Variants in FHIP1A observed in about 807,000 individuals in gnomAD.
FHIP1A encodes the protein FHF complex subunit HOOK interacting protein 1A, also known as FHF complex subunit HOOK-interacting protein 1A.
In FHIP1A, 61 loss-of-function variants were observed where a neutral mutation model predicts 88.6. The observed-to-expected ratio is 0.69, with a 90% CI of 0.56 to 0.85. The LOEUF is 0.85. Among genes scored for constraint, FHIP1A ranks in the 40% least tolerant of loss-of-function variants. The pLI is 0.00. For synonymous variants in FHIP1A, 478 were observed against 496.0 expected (o/e 0.96, Z 0.48); for missense variants, 1,154 against 1,273.5 (o/e 0.91, Z 1.43).
intron 1 of FHIP1A, among the ~76,000 whole-genome samples, chr4:151,421,792 G>A (rs899995394): frequency 4.0e-5 from 6 of 151,846 alleles, no homozygotes; most frequent in South Asian, 2.1e-4. Context: ...TACAACTATC[G>A]CCTTCCTAGG....
intron 2 of FHIP1A, among the ~76,000 whole-genome samples, chr4:151,477,254 G>A (rs1445007993): frequency 6.6e-6 from 1 of 152,092 alleles, no homozygotes; most frequent in Non-Finnish European, 1.5e-5. Flanking sequence ...CAATAAAGGT[G>A]GTATTTCAAA....
At chr4:151,643,742 A>G (rs1736683797) in intron 9 of FHIP1A, among the ~76,000 whole-genome samples, 1 of 152,184 alleles carries the variant, frequency 6.6e-6, no homozygotes, top group East Asian at 1.9e-4. Context: ...TCTGAGAACC[A>G]CCATTCAGAA....
At chr4:151,532,758 G>A (rs1580676748) in intron 3 of FHIP1A, among the ~76,000 whole-genome samples, 1 of 152,190 alleles carries the variant, frequency 6.6e-6, no homozygotes, top group African/African-American at 2.4e-5. Flanking sequence ...TGGACTTAGA[G>A]TTCCACATGG....
intron 9 of FHIP1A, among the ~76,000 whole-genome samples, chr4:151,641,105 G>A (rs193110217): frequency 3.8e-4 from 58 of 152,030 alleles, no homozygotes; most frequent in African/African-American, 1.4e-3. Context: ...TGACTGCCTG[G>A]TCCTAGACTC....
intron 3 of FHIP1A, among the ~76,000 whole-genome samples, chr4:151,556,378 T>C (rs544951159): frequency 6.6e-6 from 1 of 152,316 alleles, no homozygotes; most frequent in Admixed American, 6.5e-5. Flanking sequence ...TGTTTATTAT[T>C]GAATTCTAAT....
intron 3 of FHIP1A, among the ~76,000 whole-genome samples, chr4:151,515,904 C>A (rs1402416768): frequency 2.0e-5 from 3 of 152,190 alleles, no homozygotes; most frequent in Non-Finnish European, 4.4e-5. Flanking sequence ...AGTGCCATCC[C>A]CATCAAGCTA....
intron 3 of FHIP1A, among the ~76,000 whole-genome samples, chr4:151,548,556 C>T (rs1732596017): frequency 6.6e-6 from 1 of 152,186 alleles, no homozygotes; most frequent in Non-Finnish European, 1.5e-5. Context: ...TGAAAGTGAC[C>T]TCTGGTGGTC....
At chr4:151,499,361 C>T (rs946201415) in intron 3 of FHIP1A, among the ~76,000 whole-genome samples, 4 of 152,136 alleles carry the variant, frequency 2.6e-5, no homozygotes, top group Admixed American at 2.0e-4. Flanking sequence ...TGTGGCCTAC[C>T]TATTGGTCTT....
At chr4:151,504,103 A>G (rs1473593660) in intron 3 of FHIP1A, among the ~76,000 whole-genome samples, 1 of 152,228 alleles carries the variant, frequency 6.6e-6, no homozygotes, top group Non-Finnish European at 1.5e-5. Context: ...CAACTATTCT[A>G]AACCTATTCC....
rs532147166 is a variant in FHIP1A at position 151,503,154 on chromosome 4, G to A, written c.-123+20506G>A. On this transcript the variant is annotated intron_variant, in intron 3 of 13. Transcript: ENST00000435205. ...AAAGTGACTTTTTATTCCAAAGGTA[G>A]GTTAGGGGAAGAAGTACTCCTACCT... 3.3e-5 allele frequency among the ~76,000 whole-genome samples: 5 copies of A among 152,260 alleles called. No homozygotes were observed. The East Asian group carries it at 9.7e-4, about 29-fold the overall frequency.
At chr4:151,593,838 C>A (rs1273416881) in intron 7 of FHIP1A, among the ~76,000 whole-genome samples, 1 of 152,158 alleles carries the variant, frequency 6.6e-6, no homozygotes, top group African/African-American at 2.4e-5. Flanking sequence ...TGTCTTGTAC[C>A]AGTTTTCAAA....
At chr4:151,528,573 T>C (rs896760037) in intron 3 of FHIP1A, among the ~76,000 whole-genome samples, 1 of 152,146 alleles carries the variant, frequency 6.6e-6, no homozygotes, top group Non-Finnish European at 1.5e-5. Context: ...GAGGTGAGCA[T>C]TGGGTAAGGC....
At chr4:151,640,675 T>G (rs1198447474) in intron 9 of FHIP1A, among the ~76,000 whole-genome samples, 1 of 152,228 alleles carries the variant, frequency 6.6e-6, no homozygotes, top group African/African-American at 2.4e-5. Flanking sequence ...ACCAGCTGTC[T>G]TTTTCAGTGT....
intron 2 of FHIP1A, among the ~76,000 whole-genome samples, chr4:151,472,457 A>G (rs1729555345): frequency 6.6e-6 from 1 of 152,162 alleles, no homozygotes; most frequent in Non-Finnish European, 1.5e-5. Flanking sequence ...TATAAAGCCA[A>G]GTCTTTGCCT....
intron 1 of FHIP1A, among the ~76,000 whole-genome samples, chr4:151,436,132 C>T (rs953835572): frequency 6.6e-6 from 1 of 152,146 alleles, no homozygotes; most frequent in African/African-American, 2.4e-5. Flanking sequence ...CTGGAAGCTG[C>T]AGGTATGGAC....
chr4:151,662,981 G>A lies in FHIP1A; in HGVS notation c.*227G>A. ...GTCTCATAAGCTGGTTGCTCCCTTGGCAGTTTTCTTTGCTCTGTTTTTCCT... is the reference window on the plus strand; with the variant it reads ...GTCTCATAAGCTGGTTGCTCCCTTGACAGTTTTCTTTGCTCTGTTTTTCCT... On this transcript the variant is annotated 3_prime_UTR_variant, in exon 14 of 14. Coordinates refer to ENST00000435205, the MANE Select transcript of FHIP1A (RefSeq NM_001109977.3). 1 of 417,316 alleles carries A rather than the reference G, an allele frequency of 2.4e-6. No individual in the cohort carries two copies. Among genetic ancestry groups the A allele is most frequent in the Non-Finnish European group, 4.1e-6 (1 of 241,740 alleles). The allele number at this position is 417,316 out of a possible 1,614,324, so 25.9% of individuals were successfully genotyped here.
At position 151,513,118 on chromosome 4, in the gene FHIP1A, A is replaced by G. The variant is rs528620311; in HGVS notation, c.-123+30470A>G. Among the ~76,000 whole-genome samples, 47 of 152,330 alleles carry G rather than the reference A, an allele frequency of 3.1e-4. 1 individual carries two copies. Among genetic ancestry groups the G allele is most frequent in the African/African-American group, 1.1e-3 (44 of 41,572 alleles). ...CAGCGGATCTCTCGGCAGAAACTCT[A>G]CAAGCCAGAAGAGAGTGGGGGCCAA... On this transcript the variant is annotated intron_variant, in intron 3 of 13. Coordinates refer to ENST00000435205, the MANE Select transcript of FHIP1A (RefSeq NM_001109977.3).
intron 5 of FHIP1A, among the ~76,000 whole-genome samples, chr4:151,586,219 G>C (rs762213671): frequency 1.3e-5 from 2 of 152,062 alleles, no homozygotes; most frequent in Non-Finnish European, 2.9e-5. Context: ...CCTCTAGACT[G>C]GGGTATGTGC....
At chr4:151,509,036 C>T (rs1730930476) in intron 3 of FHIP1A, among the ~76,000 whole-genome samples, 1 of 152,164 alleles carries the variant, frequency 6.6e-6, no homozygotes, top group African/African-American at 2.4e-5. Context: ...TGCTACAGTG[C>T]TAGGATGGGG....
Sources: allele counts gnomAD v4.1 joint callset (sites outside exome capture counted in the v4.1 genomes callset), GRCh38; gene constraint gnomAD v4.1.1; transcripts MANE v1.5; gene names NCBI Gene and HGNC (gene_info 2026-07-23, HGNC 2026-07-21).